Variants in CAPRIN1 observed in about 807,000 individuals in gnomAD.
The protein encoded by CAPRIN1 is cell cycle associated protein 1.
A neutral mutation model predicts 100.9 loss-of-function variants in CAPRIN1; 29 were observed. The observed-to-expected ratio is 0.29, with a 90% CI of 0.21 to 0.39. CAPRIN1 has a LOEUF of 0.39. Ranked by LOEUF, CAPRIN1 falls within the 10% of genes least tolerant of loss-of-function variation. The pLI, the probability that CAPRIN1 is intolerant of heterozygous loss-of-function variation, is 1.00. For missense variants in CAPRIN1, 795 were observed against 876.7 expected (o/e 0.91, Z 1.18); for synonymous variants, 338 against 307.5 (o/e 1.10, Z -1.04).
At chr11:34,068,154 T>A (rs1426094144) in intron 2 of CAPRIN1, among the ~76,000 whole-genome samples, 1 of 152,208 alleles carries the variant, frequency 6.6e-6, no homozygotes, top group Non-Finnish European at 1.5e-5. Flanking sequence ...CCACAGGGAT[T>A]GCTGATCAGA....
intron 7 of CAPRIN1, among the ~76,000 whole-genome samples, chr11:34,081,657 C>T (rs1045686611): frequency 1.3e-5 from 2 of 152,102 alleles, no homozygotes; most frequent in Non-Finnish European, 2.9e-5. Flanking sequence ...CCACACCTGA[C>T]TCAGTTTTTT....
intron 11 of CAPRIN1, among the ~76,000 whole-genome samples, 191 bp downstream of exon 11, chr11:34,086,604 T>C (rs1416275604): frequency 6.6e-6 from 1 of 152,262 alleles, no homozygotes; most frequent in Non-Finnish European, 1.5e-5. Context: ...TAACTGTTTA[T>C]TTTTAAACTT....
At chr11:34,066,016 C>T (rs1590725099) in intron 2 of CAPRIN1, among the ~76,000 whole-genome samples, 1 of 152,164 alleles carries the variant, frequency 6.6e-6, no homozygotes, top group African/African-American at 2.4e-5. Context: ...CACTCTTGGT[C>T]AGGCTGGAGT....
intron 6 of CAPRIN1, among the ~76,000 whole-genome samples, chr11:34,078,083 A>G (rs56973150): frequency 0.1 from 15,539 of 152,246 alleles, 859 homozygotes; most frequent in African/African-American, 0.15. Context: ...TAACATCTTT[A>G]CAATGGAAAG....
At chr11:34,092,236 A>C (rs1467804928) in intron 15 of CAPRIN1, among the ~76,000 whole-genome samples, 180 bp downstream of exon 15, 1 of 152,104 alleles carries the variant, frequency 6.6e-6, no homozygotes. Flanking sequence ...TATGTGAATT[A>C]TGTGCAATTT....
chr11:34,082,904 T>C (rs1057032860), intron 8 of CAPRIN1, 27 bp downstream of exon 8: 3 of 1,613,228 alleles, frequency 1.9e-6, no homozygotes, highest in Non-Finnish European at 2.5e-6. Context: ...ATGCTGCCTT[T>C]ACTTTGCTGC....
chr11:34,060,939 T>C (rs552261602), intron 2 of CAPRIN1, among the ~76,000 whole-genome samples: 107 of 152,348 alleles, frequency 7.0e-4, no homozygotes, highest in African/African-American at 2.4e-3. Flanking sequence ...TTTTCAAATC[T>C]AGAAGCTTTA....
At chr11:34,085,411 A>G (rs1465591947) in intron 9 of CAPRIN1, among the ~76,000 whole-genome samples, 1 of 152,226 alleles carries the variant, frequency 6.6e-6, no homozygotes, top group Non-Finnish European at 1.5e-5. Context: ...TTTGACATAG[A>G]TATATAAATC....
intron 18 of CAPRIN1, 71 bp from the exon 19 acceptor site, chr11:34,099,232 G>C: frequency 5.7e-6 from 9 of 1,583,452 alleles, no homozygotes; most frequent in South Asian, 5.6e-5. Flanking sequence ...CTTGACTTCA[G>C]ATGAAAATCT....
chr11:34,053,505 T>G (rs1312174697), intron 2 of CAPRIN1: 1 of 152,184 alleles, frequency 6.6e-6, no homozygotes, highest in Admixed American at 6.6e-5. Context: ...GGAAGCGCTT[T>G]ACTGGAGCTG....
intron 7 of CAPRIN1, among the ~76,000 whole-genome samples, chr11:34,080,418 CA>C (rs1403091225): frequency 6.6e-6 from 1 of 152,158 alleles, no homozygotes; most frequent in East Asian, 1.9e-4. Flanking sequence ...TTCTGTCTGA[CA>C]TGCCCAGATT....
chr11:34,074,832 G>T (rs993562419), intron 4 of CAPRIN1, among the ~76,000 whole-genome samples: 2 of 152,166 alleles, frequency 1.3e-5, no homozygotes, highest in African/African-American at 4.8e-5. Context: ...CCAAGATCGT[G>T]CCACTGCACT....
intron 2 of CAPRIN1, among the ~76,000 whole-genome samples, chr11:34,064,020 G>C (rs1051713517): frequency 2.6e-5 from 4 of 152,072 alleles, no homozygotes; most frequent in Non-Finnish European, 5.9e-5. Flanking sequence ...CACCTGTCTC[G>C]GCCTCCCAGA....
chr11:34,099,139 A>G, intron 18 of CAPRIN1, 164 bp from the exon 19 acceptor site: 2 of 1,442,398 alleles, frequency 1.4e-6, no homozygotes, highest in South Asian at 3.0e-5. Flanking sequence ...TGCGCATGAC[A>G]ACTTCCAGGA....
chr11:34,069,565 A>T (rs1850770141), intron 2 of CAPRIN1, among the ~76,000 whole-genome samples: 1 of 152,266 alleles, frequency 6.6e-6, no homozygotes, highest in East Asian at 1.9e-4. Flanking sequence ...AAAAAAGAGA[A>T]TGAACTATCT....
chr11:34,076,910 T>A (rs1035208036), intron 6 of CAPRIN1, among the ~76,000 whole-genome samples: 1 of 152,040 alleles, frequency 6.6e-6, no homozygotes, highest in Non-Finnish European at 1.5e-5. Flanking sequence ...ATTTTTTGTA[T>A]TTTTAGTAGA....
At chr11:34,053,248 A>G (rs1371736063) in intron 2 of CAPRIN1, 3 of 667,642 alleles carry the variant, frequency 4.5e-6, no homozygotes, top group African/African-American at 2.0e-5. Flanking sequence ...CCCCGCGCCC[A>G]TGCGATGGGC....
At chr11:34,092,541 G>A (rs944735731) in intron 15 of CAPRIN1, among the ~76,000 whole-genome samples, 14 of 151,814 alleles carry the variant, frequency 9.2e-5, no homozygotes, top group South Asian at 2.1e-4. Flanking sequence ...TGTATTTTTG[G>A]TAAAGTTGGG....
intron 2 of CAPRIN1, among the ~76,000 whole-genome samples, chr11:34,059,054 C>T (rs1850517729): frequency 1.3e-5 from 2 of 152,086 alleles, no homozygotes; most frequent in African/African-American, 4.8e-5. Flanking sequence ...TTTGTTTTAG[C>T]TCATTTATTT....
Sources: gnomAD v4.1 joint callset for allele counts (sites outside exome capture counted in the v4.1 genomes callset) on GRCh38, gnomAD v4.1.1 for gene constraint, MANE v1.5 for transcripts, NCBI Gene and HGNC (gene_info 2026-07-23, HGNC 2026-07-21) for gene names.